ASAP1: variants seen among roughly 807,000 people sequenced by gnomAD.
ASAP1 encodes the protein arf-GAP with SH3 domain, ANK repeat and PH domain-containing protein 1.
Under a neutral mutation model 145.2 loss-of-function variants are expected in ASAP1, and 43 were observed. The observed-to-expected ratio is 0.30, with a 90% CI of 0.23 to 0.38. The LOEUF is 0.38. ASAP1 is among the 10% of genes least tolerant of loss of function. ASAP1 has a pLI of 1.00. For synonymous variants in ASAP1, 546 were observed against 515.5 expected, an observed-to-expected ratio of 1.06 and a Z score of -0.80; for missense variants, 1,018 against 1,355.3, an observed-to-expected ratio of 0.75 and a Z score of 3.91.
At chr8:130,428,380 G>A (rs1195538135) in intron 1 of ASAP1, among the ~76,000 whole-genome samples, 2 of 11,074 alleles carry the variant, frequency 1.8e-4, no homozygotes, top group Non-Finnish European at 4.3e-4. Flanking sequence ...CCACCTTCTG[G>A]GTGAGTCTTT....
chr8:130,074,928 G>C (rs1429880449), intron 27 of ASAP1, among the ~76,000 whole-genome samples: 11 of 152,220 alleles, frequency 7.2e-5, no homozygotes, highest in Non-Finnish European at 1.6e-4. Flanking sequence ...GGCAGGAGCT[G>C]AGGGAGCACA....
At chr8:130,171,569 T>C (rs547780636) in intron 9 of ASAP1, among the ~76,000 whole-genome samples, 2 of 152,286 alleles carry the variant, frequency 1.3e-5, no homozygotes, top group South Asian at 4.1e-4. Context: ...GGTCCTGCCC[T>C]TGACATGTGG....
chr8:130,121,721 T>G (rs1334533035), intron 18 of ASAP1, among the ~76,000 whole-genome samples: 2 of 133,306 alleles, frequency 1.5e-5, no homozygotes, highest in Admixed American at 1.8e-4. Context: ...GAGGTGGAGG[T>G]TGCAGTGAGC....
chr8:130,160,761 T>G, intron 11 of ASAP1: 4 of 1,268,072 alleles, frequency 3.2e-6, no homozygotes, highest in Non-Finnish European at 4.1e-6. Context: ...GGACAATATA[T>G]TCTCATAAAA....
intron 11 of ASAP1, 113 bp from the exon 12 acceptor site, chr8:130,160,077 C>T (rs565366469): frequency 1.0e-4 from 87 of 856,870 alleles, no homozygotes; most frequent in Non-Finnish European, 1.6e-4. Context: ...AATTATGGAA[C>T]TTTAAGAGCT....
chr8:130,202,708 G>A (rs1208999130), intron 5 of ASAP1, among the ~76,000 whole-genome samples: 2 of 152,174 alleles, frequency 1.3e-5, no homozygotes, highest in East Asian at 1.9e-4. Context: ...TTGCTTTCTA[G>A]AGGAATGAAT....
At chr8:130,124,850 G>C (rs1195499608) in intron 17 of ASAP1, among the ~76,000 whole-genome samples, 2 of 152,168 alleles carry the variant, frequency 1.3e-5, no homozygotes, top group African/African-American at 4.8e-5. Context: ...GGAGATGAGG[G>C]ACATCATTTC....
At chr8:130,217,573 C>T (rs1817016446) in intron 4 of ASAP1, among the ~76,000 whole-genome samples, 1 of 149,290 alleles carries the variant, frequency 6.7e-6, no homozygotes, top group Non-Finnish European at 1.5e-5. Flanking sequence ...TCTTTTCCTA[C>T]CACCAGACCG....
chr8:130,079,618 C>G (rs919514735), intron 26 of ASAP1, among the ~76,000 whole-genome samples: 4 of 146,518 alleles, frequency 2.7e-5, no homozygotes, highest in African/African-American at 1.0e-4. Flanking sequence ...TTGTTCAAGA[C>G]CACTGCACAA....
Position 130,305,727 on chromosome 8 carries a change from A to G in ASAP1, c.186+52290T>C, listed in dbSNP as rs16904243. ...AACCATCTCCATTTTATAAATCGAG[A>G]AAACTAAAGACCAGATCAGTTACAC... On this transcript the variant is annotated intron_variant, in intron 3 of 29. Transcript: ENST00000518721. Among the ~76,000 whole-genome samples the G allele has an allele frequency of 5.2e-3, 793 of 152,296 alleles. 6 individuals are homozygous for G. Among genetic ancestry groups the G allele is most frequent in the African/African-American group, 0.018 (755 of 41,550 alleles).
At chr8:130,336,058 ACT>A (rs3079890) in intron 3 of ASAP1, among the ~76,000 whole-genome samples, 94,902 of 151,752 alleles carry the variant, frequency 0.63, 30,352 homozygotes, top group African/African-American at 0.73. Flanking sequence ...TCAACTCCAA[ACT>A]CTGTCTCATC....
chr8:130,423,940 T>C (rs1423878366), intron 1 of ASAP1, among the ~76,000 whole-genome samples: 1 of 152,074 alleles, frequency 6.6e-6, no homozygotes, highest in East Asian at 1.9e-4. Flanking sequence ...CTAATGAGTA[T>C]GGATGGAGTT....
At chr8:130,155,916 C>A (rs2097657457) in intron 12 of ASAP1, among the ~76,000 whole-genome samples, 1 of 152,176 alleles carries the variant, frequency 6.6e-6, no homozygotes, top group African/African-American at 2.4e-5. Context: ...ATAGATAATT[C>A]CAACTTTGAT....
At chr8:130,230,470 G>A (rs879491706) in intron 4 of ASAP1, among the ~76,000 whole-genome samples, 1 of 152,134 alleles carries the variant, frequency 6.6e-6, no homozygotes. Context: ...AATTTAAGGA[G>A]TAATGCTCTC....
At chr8:130,118,346 C>T in intron 19 of ASAP1, 100 bp from the exon 20 acceptor site, 1 of 1,343,754 alleles carries the variant, frequency 7.4e-7, no homozygotes, top group Non-Finnish European at 1.0e-6. Flanking sequence ...AGGAGCACAC[C>T]TCTTCACTCT....
chr8:130,423,402 T>C (rs1829796979), intron 1 of ASAP1, among the ~76,000 whole-genome samples: 5 of 152,244 alleles, frequency 3.3e-5, no homozygotes, highest in Admixed American at 2.6e-4. Context: ...TAAACCTTTC[T>C]GGAGGGTGGC....
intron 1 of ASAP1, among the ~76,000 whole-genome samples, chr8:130,419,055 CAGCCAGGGCAGGGACCCTTCCTGGA>C (rs1424209528): frequency 1.3e-5 from 2 of 152,182 alleles, no homozygotes; most frequent in Non-Finnish European, 2.9e-5. Context: ...TCAGGCCCTG[CAGCCAGGGCAGGGACCCTTCCTGGA>C]GGCCAGGGTC....
At chr8:130,279,944 A>T (rs1821156067) in intron 3 of ASAP1, among the ~76,000 whole-genome samples, 1 of 152,236 alleles carries the variant, frequency 6.6e-6, no homozygotes, top group African/African-American at 2.4e-5. Flanking sequence ...TTTTATAAAC[A>T]TCAACTATGT....
At chr8:130,300,184 A>AGAGAGAGAGAGAGC (rs761456724) in intron 3 of ASAP1, among the ~76,000 whole-genome samples, 9 of 140,360 alleles carry the variant, frequency 6.4e-5, no homozygotes, top group African/African-American at 2.5e-4. Flanking sequence ...AGAGAGAGAG[A>AGAGAGAGAGAGAGC]GAGCGAGCGA....
Sources: gnomAD v4.1 joint callset for allele counts (sites outside exome capture counted in the v4.1 genomes callset) on GRCh38, gnomAD v4.1.1 for gene constraint, MANE v1.5 for transcripts, NCBI Gene and HGNC (gene_info 2026-07-23, HGNC 2026-07-21) for gene names.